ITGAE: variants seen among roughly 807,000 people sequenced by gnomAD.
ITGAE encodes the protein integrin subunit alpha E.
In ITGAE, 99 loss-of-function variants were observed where a neutral mutation model predicts 136.5. That is an observed-to-expected ratio of 0.73 (90% CI 0.62 to 0.86). ITGAE has a LOEUF of 0.86. Among genes scored for constraint, ITGAE ranks in the 40% least tolerant of loss-of-function variants. ITGAE has a pLI of 0.00. For missense variants in ITGAE, 1,447 were observed against 1,515.3 expected (o/e 0.95, Z 0.75); for synonymous variants, 613 against 591.8 (o/e 1.04, Z -0.52).
intron 20 of ITGAE, 76 bp downstream of exon 20, chr17:3,739,729 T>TCCTAG (rs2051539569): frequency 8.2e-7 from 1 of 1,219,052 alleles, no homozygotes; most frequent in Non-Finnish European, 1.2e-6. Flanking sequence ...GTGCAGGGTG[T>TCCTAG]CCTAATGAAG....
intron 6 of ITGAE, 27 bp from the exon 7 acceptor site, chr17:3,760,314 G>C (rs775298250): frequency 7.0e-7 from 1 of 1,426,122 alleles, no homozygotes; most frequent in South Asian, 1.2e-5. Context: ...GGTCAGGAGT[G>C]GGCATGGGAT....
chr17:3,760,430 CTT>C (rs1208333239), intron 6 of ITGAE, 143 bp from the exon 7 acceptor site: 781 of 63,996 alleles, frequency 0.012, no homozygotes, highest in South Asian at 0.066. Flanking sequence ...AAGAGGGAAG[CTT>C]TTTTTTTTTT....
At chr17:3,720,583 CCTT>C in intron 28 of ITGAE, 181 bp from the exon 29 acceptor site, 1 of 389,890 alleles carries the variant, frequency 2.6e-6, no homozygotes, top group Non-Finnish European at 4.4e-6. Flanking sequence ...TCTTCAACTT[CCTT>C]TTTTTTTTTT....
At position 3,755,884 on chromosome 17, in the gene ITGAE, G is replaced by A. The variant is rs146562337; in HGVS notation, c.1185C>T (p.Asp395=). ...TCTGTGCCAGCTGGTAGTGAAGGGC[G>A]TCTCCAACCGTGCCTGCAAGCCAAG... is the stretch of plus-strand genomic sequence containing the variant. ...NIISMEGTVG[D]ALHYQLAQIG... is the part of the protein sequence containing the mutation. The change falls in exon 11 of 31, where the codon GAC becomes GAT. Residue 395 remains aspartate, a synonymous_variant. Transcript: ENST00000263087. 2,612 of 1,596,860 alleles carry A rather than the reference G, an allele frequency of 1.6e-3. 66 individuals are homozygous for A. In the South Asian group the frequency reaches 0.027, roughly 17 times the overall value.
chr17:3,786,148 CAGAG>C (rs1161087741), intron 1 of ITGAE, among the ~76,000 whole-genome samples: 2 of 124,156 alleles, frequency 1.6e-5, no homozygotes, highest in East Asian at 2.3e-4. Flanking sequence ...GCCTGGGTGA[CAGAG>C]AGAGACTCCA....
intron 29 of ITGAE, chr17:3,718,508 T>G (rs1054686613): frequency 2.0e-5 from 3 of 152,290 alleles, no homozygotes; most frequent in Non-Finnish European, 4.4e-5. Flanking sequence ...GCCCTTATGC[T>G]GCATGAGCTG....
intron 9 of ITGAE, 130 bp downstream of exon 9, chr17:3,757,576 A>G: frequency 1.0e-6 from 1 of 988,918 alleles, no homozygotes; most frequent in Non-Finnish European, 1.5e-6. Flanking sequence ...CATGGAGAGA[A>G]GAGGAGCATT....
At chr17:3,732,805 G>A (rs2051374974) in intron 21 of ITGAE, among the ~76,000 whole-genome samples, 1 of 152,154 alleles carries the variant, frequency 6.6e-6, no homozygotes, top group Admixed American at 6.6e-5. Flanking sequence ...ATGGACTGAT[G>A]CAAATATAAC....
rs541312275 is a variant in ITGAE, at chr17:3,736,270, T to C, written c.2523-1321A>G. 4.8e-3 allele frequency among the ~76,000 whole-genome samples: 724 copies of C among 152,196 alleles called. 6 individuals carry two copies. Among genetic ancestry groups the C allele is most frequent in the African/African-American group, 0.016 (678 of 41,532 alleles). ...GTTGCAGTGAGCCATGAGCACACTATTGCACTCCAGCCTGGGCAACAAGAG... is the reference window on the plus strand; with the variant it reads ...GTTGCAGTGAGCCATGAGCACACTACTGCACTCCAGCCTGGGCAACAAGAG... On this transcript the variant is annotated intron_variant, in intron 20 of 30. Coordinates refer to ENST00000263087, the MANE Select transcript of ITGAE (RefSeq NM_002208.5).
intron 1 of ITGAE, among the ~76,000 whole-genome samples, chr17:3,795,436 G>A (rs926666134): frequency 2.0e-5 from 3 of 152,192 alleles, no homozygotes; most frequent in African/African-American, 4.8e-5. Flanking sequence ...TGAGGGTTCC[G>A]CTCCCCCAGA....
intron 29 of ITGAE, 135 bp downstream of exon 29, chr17:3,720,172 A>T (rs1332708582): frequency 1.7e-6 from 1 of 581,896 alleles, no homozygotes; most frequent in Non-Finnish European, 3.1e-6. Context: ...AAGGTCACAA[A>T]GGCAGCGATG....
At chr17:3,750,599 C>T (rs1398554118) in intron 15 of ITGAE, 117 bp from the exon 16 acceptor site, 22 of 1,246,676 alleles carry the variant, frequency 1.8e-5, no homozygotes, top group Middle Eastern at 2.4e-4. Flanking sequence ...CAGGGAGCCC[C>T]GAGTCTAGAA....
chr17:3,727,649 T>C (rs2051245698), intron 26 of ITGAE, among the ~76,000 whole-genome samples: 2 of 152,250 alleles, frequency 1.3e-5, no homozygotes, highest in South Asian at 2.1e-4. Flanking sequence ...TCCACCCGCC[T>C]CGGCCTCCCA....
At chr17:3,793,422 C>T (rs1032836529) in intron 1 of ITGAE, among the ~76,000 whole-genome samples, 6 of 152,128 alleles carry the variant, frequency 3.9e-5, no homozygotes, top group Non-Finnish European at 8.8e-5. Context: ...GATCTTGGCT[C>T]ACCGCAACCC....
intron 29 of ITGAE, among the ~76,000 whole-genome samples, chr17:3,719,234 T>TAAAAAAAAAAAAAA (rs2050999265): frequency 8.6e-5 from 3 of 34,800 alleles, no homozygotes; most frequent in African/African-American, 3.6e-4. Context: ...AGATTCTTCC[T>TAAAAAAAAAAAAAA]CAAAAAAAAA....
In ITGAE at chr17:3,727,959, C is replaced by A; in HGVS notation, c.3044G>T (p.Gly1015Val). 1.2e-6 allele frequency: 2 copies of A among 1,614,044 alleles called. No homozygotes were observed. The highest frequency in any genetic ancestry group is 1.3e-5 in the African/African-American group (1 of 75,012). The change falls in exon 26 of 31, where the codon GGT becomes GTT. Residue 1015 changes from glycine (G) to valine (V), a missense_variant. Physicochemically the swap from Gly to Val is moderately radical, Grantham distance 109. This residue lies in a region of ITGAE where 1,031 missense variants were observed against 1,011.4 expected (regional missense o/e 1.02). Transcript: ENST00000263087. ...CTTCTTCACTGCTACAACCTGGAGA[C>A]CTCGTAATTTGGTTGGGACGCAAAT... ...LQICVPTKLR[G>V]LQVVAVKKLT...
At chr17:3,768,687 C>T (rs547610897) in intron 2 of ITGAE, among the ~76,000 whole-genome samples, 7 of 152,300 alleles carry the variant, frequency 4.6e-5, no homozygotes, top group Non-Finnish European at 7.4e-5. Flanking sequence ...TCTACCCAGC[C>T]GTGCCTCACA....
chr17:3,727,314 C>T (rs1422306859), intron 26 of ITGAE, among the ~76,000 whole-genome samples: 1 of 152,046 alleles, frequency 6.6e-6, no homozygotes. Flanking sequence ...TAAGAAATGT[C>T]ACATGTTACA....
chr17:3,757,561 C>G (rs1347675451), intron 9 of ITGAE, 145 bp downstream of exon 9: 6 of 911,502 alleles, frequency 6.6e-6, no homozygotes, highest in African/African-American at 1.7e-5. Flanking sequence ...TCTGGGATGA[C>G]AGAGCATGGA....
Sources: gnomAD v4.1 joint callset for allele counts (sites outside exome capture counted in the v4.1 genomes callset) on GRCh38, gnomAD v4.1.1 for gene constraint, gnomAD v4.1.1 regional missense constraint, MANE v1.5 for transcripts, NCBI Gene and HGNC (gene_info 2026-07-23, HGNC 2026-07-21) for gene names.